The following DNAJC17 variants were observed in gnomAD, a reference collection of about 807,000 sequenced individuals.
DNAJC17 encodes DnaJ heat shock protein family (Hsp40) member C17, also known as dnaJ homolog subfamily C member 17.
In DNAJC17, 35 loss-of-function variants were observed where a neutral mutation model predicts 48.1. The observed-to-expected ratio is 0.73, with a 90% CI of 0.56 to 0.96. DNAJC17 has a LOEUF of 0.96. Ranked by LOEUF, DNAJC17 falls within the 50% of genes least tolerant of loss-of-function variation. The pLI is 0.00. For synonymous variants in DNAJC17, 117 were observed against 142.7 expected (o/e 0.82, Z 1.28); for missense variants, 355 against 377.1 (o/e 0.94, Z 0.48).
intron 2 of DNAJC17, 60 bp from the exon 3 acceptor site, chr15:40,779,663 C>A: frequency 1.3e-6 from 2 of 1,531,790 alleles, no homozygotes; most frequent in Non-Finnish European, 1.8e-6. Context: ...TAATGGTGTG[C>A]TCCCTCAAAA....
intron 10 of DNAJC17, chr15:40,771,658 C>G (rs1889144293): frequency 5.9e-6 from 1 of 170,066 alleles, no homozygotes; most frequent in African/African-American, 2.4e-5. Flanking sequence ...CACCGTTATT[C>G]CAGATTCCAC....
chr15:40,768,849 C>T lies in DNAJC17; in HGVS notation c.793-787G>A, dbSNP rs539325813. Among the ~76,000 whole-genome samples the T allele has an allele frequency of 3.3e-5, 5 of 152,344 alleles. No individual in the cohort carries two copies. In the South Asian group the frequency reaches 1.0e-3, roughly 32 times the overall value. On this transcript the variant is annotated intron_variant, in intron 10 of 10. Coordinates refer to ENST00000220496, the MANE Select transcript of DNAJC17 (RefSeq NM_018163.3). ...GATGATCATGTGGTCCCAACAGCTT[C>T]TCAGAGAAGTGTGAAGCACACCTGA...
intron 2 of DNAJC17, 96 bp from the exon 3 acceptor site, chr15:40,779,699 C>A: frequency 1.4e-6 from 2 of 1,387,042 alleles, no homozygotes; most frequent in Admixed American, 4.4e-5. Context: ...AAAGAAGTCA[C>A]AGGATGGCAG....
chr15:40,793,995 T>A (rs1889879825), intron 1 of DNAJC17, among the ~76,000 whole-genome samples: 1 of 152,176 alleles, frequency 6.6e-6, no homozygotes, highest in African/African-American at 2.4e-5. Flanking sequence ...AATTCTAACA[T>A]CTGTATCATG....
In DNAJC17 at chr15:40,769,312, C is replaced by T. The variant is rs1047236428; in HGVS notation, c.793-1250G>A. ...CCAGAGGGGAAGGGCTGGAGCACAG[C>T]CAGGTAGGAGGCAACACGGCCCGGC... On this transcript the variant is annotated intron_variant, in intron 10 of 10. Transcript: ENST00000220496. The surrounding 1 kb of genome is among the most constrained non-coding windows in gnomAD (Gnocchi z 4.2). 6.6e-6 allele frequency among the ~76,000 whole-genome samples: 1 copy of T among 152,188 alleles called. No homozygotes were observed. The highest frequency in any genetic ancestry group is 2.4e-5 in the African/African-American group (1 of 41,454).
At chr15:40,776,790 T>A (rs2141949846) in intron 4 of DNAJC17, 163 bp from the exon 5 acceptor site, 1 of 654,084 alleles carries the variant, frequency 1.5e-6, no homozygotes, top group South Asian at 1.8e-5. Flanking sequence ...CAATTTCCAT[T>A]GAGAAAAATC....
chr15:40,803,761 C>CCT (rs112585397), intron 1 of DNAJC17, among the ~76,000 whole-genome samples: 9 of 152,138 alleles, frequency 5.9e-5, no homozygotes, highest in African/African-American at 2.2e-4. Context: ...CTTGCCCCCC[C>CCT]ATTAAAGGCA....
rs1888975349 is a variant in DNAJC17, at chr15:40,767,417, C to T, written c.*523G>A. On this transcript the variant is annotated 3_prime_UTR_variant, in exon 11 of 11. Transcript: ENST00000220496. ...GCTGCTGTGGGCCCTGACCTCCAAGCTCCTGCCTCACCGTCTGCCTTGCTC... is the reference window on the plus strand; with the variant it reads ...GCTGCTGTGGGCCCTGACCTCCAAGTTCCTGCCTCACCGTCTGCCTTGCTC... 15 of 1,486,870 alleles carry T rather than the reference C, an allele frequency of 1.0e-5. No individual in the cohort carries two copies. The highest frequency in any genetic ancestry group is 1.3e-5 in the Non-Finnish European group (14 of 1,110,374). 92.1% of individuals were successfully genotyped at this position (1,486,870 alleles called of 1,614,324 possible).
chr15:40,767,152 G>A lies in DNAJC17; in HGVS notation c.*788C>T. On this transcript the variant is annotated 3_prime_UTR_variant, in exon 11 of 11. Transcript: ENST00000220496. ...CACTACAAGAGTGGCCAGGCTGCCTGCTGCAGACACTAGCTTTGTACCAGG... is the reference window on the plus strand; with the variant it reads ...CACTACAAGAGTGGCCAGGCTGCCTACTGCAGACACTAGCTTTGTACCAGG... 7.1e-7 allele frequency: 1 copy of A among 1,404,818 alleles called. No homozygotes were observed. Among genetic ancestry groups the A allele is most frequent in the Non-Finnish European group, 9.4e-7 (1 of 1,069,394 alleles). 87.0% of individuals were successfully genotyped at this position (1,404,818 alleles called of 1,614,324 possible).
chr15:40,776,364 C>A, intron 5 of DNAJC17, 72 bp from the exon 6 acceptor site: 1 of 1,535,776 alleles, frequency 6.5e-7, no homozygotes, highest in Non-Finnish European at 8.9e-7. Flanking sequence ...TGTAAAAAGT[C>A]CTTGGGAGCT....
At chr15:40,779,710 A>G (rs1274126656) in intron 2 of DNAJC17, 107 bp from the exon 3 acceptor site, 1 of 1,309,120 alleles carries the variant, frequency 7.6e-7, no homozygotes, top group Non-Finnish European at 1.1e-6. Flanking sequence ...AGGATGGCAG[A>G]CAAGCCGACA....
In DNAJC17 at chr15:40,767,103, A is replaced by G. The variant is rs1888965839; in HGVS notation, c.*837T>C. On this transcript the variant is annotated 3_prime_UTR_variant, in exon 11 of 11. Coordinates refer to ENST00000220496, the MANE Select transcript of DNAJC17 (RefSeq NM_018163.3). ...GGGGCGTGCACTTACCCCAGCGCCC[A>G]GCAAGCAGCCAGCAAGTGTGAGTCA... 3 of 1,048,068 alleles carry G rather than the reference A, an allele frequency of 2.9e-6. No homozygotes were observed. The highest frequency in any genetic ancestry group is 3.9e-6 in the Non-Finnish European group (3 of 764,654). The allele number at this position is 1,048,068 out of a possible 1,614,324, so 64.9% of individuals were successfully genotyped here.
chr15:40,767,254 C>G lies in DNAJC17; in HGVS notation c.*686G>C. On this transcript the variant is annotated 3_prime_UTR_variant, in exon 11 of 11. Transcript: ENST00000220496. ...TGAATACTACGTCGATGACCCTCCC[C>G]GCATAGTCCTGGACAAGCTGGAACG... The G allele has an allele frequency of 1.9e-6, 3 of 1,592,850 alleles. No homozygotes were observed. The highest frequency in any genetic ancestry group is 1.7e-5 in the Admixed American group (1 of 57,258).
In DNAJC17 at chr15:40,779,239, C is replaced by T. The variant is rs1268244063; in HGVS notation, c.279G>A (p.Arg93=). The change falls in exon 4 of 11, where the codon AGG becomes AGA. Residue 93 remains arginine (R), a synonymous_variant. Coordinates refer to ENST00000220496, the MANE Select transcript of DNAJC17 (RefSeq NM_018163.3). The stretch of plus-strand genomic sequence containing the variant: ...GGCACCTACCAAGCTTCACTTTCTT[C>T]CTTTTCTCATCAAGTTTCTGGGTCC... The part of the protein sequence containing the change: ...AERTQKLDEK[R]KKVKLDLEAR... 1 of 1,614,152 alleles carries T rather than the reference C, an allele frequency of 6.2e-7. No individual in the cohort carries two copies. The highest frequency in any genetic ancestry group is 2.2e-5 in the East Asian group (1 of 44,868).
chr15:40,775,072 C>G lies in DNAJC17; in HGVS notation c.559G>C (p.Gly187Arg), dbSNP rs1443619113. Reference protein sequence around the residue: ...WKCKKEDESKGGYSKDVLLRL... With the variant: ...WKCKKEDESKRGYSKDVLLRL... ...AGGAGGACGTCTTTGGAGTAGCCAC[C>G]TTTTGACTCATCCTCCTTCTTGCAC... Residue 187 changes from glycine to arginine, a missense_variant, in exon 8 of 11, where the codon GGT (glycine) becomes CGT (arginine). Gly to Arg is a moderately radical substitution (Grantham distance 125). Around this residue, in one of 3 missense-constraint regions of DNAJC17, gnomAD observed 68 missense variants for 109.5 expected, o/e 0.62. Transcript: ENST00000220496. 6.2e-7 allele frequency: 1 copy of G among 1,614,184 alleles called. No homozygotes were observed. The highest frequency in any genetic ancestry group is 8.5e-7 in the Non-Finnish European group (1 of 1,180,036).
Position 40,768,055 on chromosome 15 carries a change from A to C in DNAJC17, c.800T>G (p.Val267Gly). 2 of 1,568,190 alleles carry C rather than the reference A, an allele frequency of 1.3e-6. No individual in the cohort carries two copies. ...GCTCTCGTAGTCCCTCTCTGACAGC[A>C]CTGAGCCCTGTCGGACAGGGCAGGG... Reference protein sequence around the residue: ...RSHSGLSKGSVLSERDYESLV... With the variant: ...RSHSGLSKGSGLSERDYESLV... The change falls in exon 11 of 11, where the codon GTG (valine) becomes GGG (glycine). Residue 267 changes from valine (V) to glycine (G), a missense_variant. Physicochemically the swap from Val to Gly is moderately radical, Grantham distance 109 (BLOSUM62 -3). Coordinates refer to ENST00000220496, the MANE Select transcript of DNAJC17 (RefSeq NM_018163.3).
intron 1 of DNAJC17, among the ~76,000 whole-genome samples, chr15:40,795,170 A>T (rs1385514024): frequency 6.6e-6 from 1 of 151,010 alleles, no homozygotes; most frequent in Admixed American, 6.6e-5. Flanking sequence ...CCAACACTTT[A>T]GGAGGCCGAG....
chr15:40,770,230 A>G lies in DNAJC17; in HGVS notation c.793-2168T>C. The G allele has an allele frequency of 2.1e-6, 1 of 480,160 alleles. No individual in the cohort carries two copies. The highest frequency in any genetic ancestry group is 3.7e-6 in the Non-Finnish European group (1 of 270,400). 29.7% of individuals were successfully genotyped at this position (480,160 alleles called of 1,614,324 possible). On this transcript the variant is annotated intron_variant, in intron 10 of 10. Transcript: ENST00000220496. This position sits in a 1 kb window ranked among gnomAD's most constrained non-coding sequence, Gnocchi z 5.0. ...CTCCTGGGTTTTTTTCCACTACCCT[A>G]TTCAGTAACCAGGCCACTCCTGTCC...
chr15:40,775,075 T>C lies in DNAJC17; in HGVS notation c.556A>G (p.Lys186Glu), dbSNP rs762207608. The C allele has an allele frequency of 6.2e-7, 1 of 1,614,172 alleles. No individual in the cohort carries two copies. Among genetic ancestry groups the C allele is most frequent in the East Asian group, 2.2e-5 (1 of 44,886 alleles). The change falls in exon 8 of 11, where the codon AAA (lysine) becomes GAA (glutamate). Residue 186 changes from lysine (K) to glutamate (E), a missense_variant. Lys to Glu is a moderately conservative substitution (Grantham distance 56). This residue lies in a region of DNAJC17 where 68 missense variants were observed against 109.5 expected (regional missense o/e 0.62). Transcript: ENST00000220496. ...KWKCKKEDESKGGYSKDVLLR... is the reference protein window; with the variant it reads ...KWKCKKEDESEGGYSKDVLLR... ...AGGACGTCTTTGGAGTAGCCACCTT[T>C]TGACTCATCCTCCTTCTTGCACTTC...
Sources: allele counts gnomAD v4.1 joint callset (sites outside exome capture counted in the v4.1 genomes callset), GRCh38; gene constraint gnomAD v4.1.1; regional missense constraint gnomAD v4.1.1; non-coding constraint Gnocchi (gnomAD v3.1); transcripts MANE v1.5; gene names NCBI Gene and HGNC (gene_info 2026-07-23, HGNC 2026-07-21).